R3HDM1: variants seen among roughly 807,000 people sequenced by gnomAD.
R3HDM1 encodes the protein R3H domain-containing protein 1.
A neutral mutation model predicts 141.1 loss-of-function variants in R3HDM1; 46 were observed. That is an observed-to-expected ratio of 0.33 (90% CI 0.26 to 0.42). R3HDM1 has a LOEUF of 0.42. Among genes scored for constraint, R3HDM1 ranks in the 10% least tolerant of loss-of-function variants. The pLI is 1.00. For synonymous variants in R3HDM1, 435 were observed against 472.9 expected (o/e 0.92, Z 1.04); for missense variants, 1,184 against 1,368.3 (o/e 0.87, Z 2.12).
chr2:135,583,000 C>G (rs1277114756), intron 1 of R3HDM1, among the ~76,000 whole-genome samples: 1 of 152,164 alleles, frequency 6.6e-6, no homozygotes, highest in Non-Finnish European at 1.5e-5. Flanking sequence ...TTCACCAGTT[C>G]TTAACATTTC....
At chr2:135,682,831 T>C (rs1400840517) in intron 21 of R3HDM1, among the ~76,000 whole-genome samples, 4 of 151,736 alleles carry the variant, frequency 2.6e-5, no homozygotes, top group Non-Finnish European at 4.4e-5. Flanking sequence ...ACCTCAACTC[T>C]ACTAAAAATA....
chr2:135,623,844 A>G (rs1192939801), intron 7 of R3HDM1, among the ~76,000 whole-genome samples: 2 of 152,218 alleles, frequency 1.3e-5, no homozygotes, highest in Admixed American at 6.5e-5. Context: ...TTAAAATAAA[A>G]CAAATGTAAA....
intron 11 of R3HDM1, among the ~76,000 whole-genome samples, chr2:135,638,085 A>G (rs2063441693): frequency 6.6e-6 from 1 of 152,226 alleles, no homozygotes; most frequent in Non-Finnish European, 1.5e-5. Context: ...TCAAATTGAC[A>G]TCTTAGAGAG....
At chr2:135,612,585 A>AT (rs879430771) in intron 3 of R3HDM1, among the ~76,000 whole-genome samples, 4 of 152,046 alleles carry the variant, frequency 2.6e-5, no homozygotes, top group Non-Finnish European at 5.9e-5. Flanking sequence ...TTCTGCACCC[A>AT]TTTTTTCGCC....
rs926621035 is a variant in R3HDM1 at position 135,638,976 on chromosome 2, G to A, written c.1073G>A (p.Arg358Gln). ...TENELKYSEP[R>Q]PWSSTDSDSS... is the part of the protein sequence containing the mutation. Reference sequence around the variant, plus strand: ...AATGAGTTGAAGTACTCGGAACCACGACCCTGGAGCAGCACAGATTCAGAC... The same window carrying A: ...AATGAGTTGAAGTACTCGGAACCACAACCCTGGAGCAGCACAGATTCAGAC... Residue 358 changes from arginine to glutamine, a missense_variant, in exon 14 of 27, where the codon CGA becomes CAA. Physicochemically the swap from Arg to Gln is conservative, Grantham distance 43. This residue lies in a region of R3HDM1 where 240 missense variants were observed against 312.3 expected (regional missense o/e 0.77). Coordinates refer to ENST00000683871, the MANE Select transcript of R3HDM1 (RefSeq NM_001378107.1). 4.3e-6 allele frequency: 7 copies of A among 1,613,958 alleles called. No individual in the cohort carries two copies. Among genetic ancestry groups the A allele is most frequent in the African/African-American group, 2.7e-5 (2 of 74,912 alleles).
At chr2:135,665,297 C>T (rs2067321398) in intron 19 of R3HDM1, 1 of 437,032 alleles carries the variant, frequency 2.3e-6, no homozygotes, top group African/African-American at 2.0e-5. Flanking sequence ...TTACAAAGCC[C>T]TAGCTGTTTT....
chr2:135,609,379 A>G (rs986280647), intron 3 of R3HDM1, among the ~76,000 whole-genome samples: 1 of 152,222 alleles, frequency 6.6e-6, no homozygotes, highest in African/African-American at 2.4e-5. Flanking sequence ...ACCTGTGTGC[A>G]TTAACGTCAG....
At chr2:135,683,606 C>A (rs974458761) in intron 21 of R3HDM1, among the ~76,000 whole-genome samples, 3 of 147,844 alleles carry the variant, frequency 2.0e-5, no homozygotes, top group East Asian at 2.0e-4. Flanking sequence ...AAAAAAAATT[C>A]ATAATTAACT....
intron 1 of R3HDM1, among the ~76,000 whole-genome samples, chr2:135,560,327 A>G (rs1701565637): frequency 6.6e-6 from 1 of 152,146 alleles, no homozygotes; most frequent in African/African-American, 2.4e-5. Context: ...AATCTATGAT[A>G]TTTTGACACA....
Position 135,531,506 on chromosome 2 carries a change from C to T in R3HDM1, c.-377C>T, listed in dbSNP as rs1181516454. The T allele has an allele frequency of 2.0e-6, 2 of 985,776 alleles. No homozygotes were observed. The highest frequency in any genetic ancestry group is 2.4e-6 in the Non-Finnish European group (2 of 829,952). 61.1% of individuals were successfully genotyped at this position (985,776 alleles called of 1,614,324 possible). On this transcript the variant is annotated 5_prime_UTR_variant, in exon 1 of 27. Coordinates refer to ENST00000683871, the MANE Select transcript of R3HDM1 (RefSeq NM_001378107.1). ...GGGATTCTGCCAGCCGCGGCTGCCGCTGGAGCCGGTGTCCGGGCTGGTGAT... is the reference window on the plus strand; with the variant it reads ...GGGATTCTGCCAGCCGCGGCTGCCGTTGGAGCCGGTGTCCGGGCTGGTGAT...
At chr2:135,541,602 C>T (rs1481440888) in intron 1 of R3HDM1, among the ~76,000 whole-genome samples, 1 of 152,050 alleles carries the variant, frequency 6.6e-6, no homozygotes, top group Non-Finnish European at 1.5e-5. Flanking sequence ...GTGGTGCAAT[C>T]AGAACACCTA....
chr2:135,599,911 A>G (rs2059483710), intron 1 of R3HDM1, among the ~76,000 whole-genome samples: 1 of 152,056 alleles, frequency 6.6e-6, no homozygotes, highest in South Asian at 2.1e-4. Context: ...GTGGGCACCT[A>G]TAGTCGCAGT....
At chr2:135,533,545 A>G (rs1026468497) in intron 1 of R3HDM1, among the ~76,000 whole-genome samples, 6 of 152,208 alleles carry the variant, frequency 3.9e-5, no homozygotes, top group African/African-American at 1.2e-4. Flanking sequence ...TAAAATGAGG[A>G]TGATAATGCT....
chr2:135,619,078 T>C (rs2061329099), intron 5 of R3HDM1, among the ~76,000 whole-genome samples: 1 of 152,112 alleles, frequency 6.6e-6, no homozygotes, highest in African/African-American at 2.4e-5. Flanking sequence ...ATACGCCTGT[T>C]TGGGATGGAG....
chr2:135,625,299 A>T (rs1435574230), intron 7 of R3HDM1, among the ~76,000 whole-genome samples: 2 of 152,000 alleles, frequency 1.3e-5, no homozygotes, highest in South Asian at 4.2e-4. Flanking sequence ...AAAATACAAA[A>T]ATTAGCTGGG....
intron 7 of R3HDM1, among the ~76,000 whole-genome samples, chr2:135,624,725 G>A (rs974912473): frequency 1.3e-5 from 2 of 152,164 alleles, no homozygotes; most frequent in Non-Finnish European, 2.9e-5. Context: ...TTTGTGTTTT[G>A]GAAAGATTAC....
At chr2:135,567,762 T>G (rs1390232483) in intron 1 of R3HDM1, among the ~76,000 whole-genome samples, 1 of 152,108 alleles carries the variant, frequency 6.6e-6, no homozygotes, top group Non-Finnish European at 1.5e-5. Flanking sequence ...TTTTTAGAGA[T>G]AACGTCTCAC....
intron 1 of R3HDM1, chr2:135,586,308 G>A (rs1707892693): frequency 6.6e-6 from 1 of 152,536 alleles, no homozygotes; most frequent in Non-Finnish European, 1.5e-5. Context: ...ACAACATACA[G>A]CTGTTGACTT....
At chr2:135,596,190 G>T (rs77180310) in intron 1 of R3HDM1, among the ~76,000 whole-genome samples, 2 of 151,994 alleles carry the variant, frequency 1.3e-5, no homozygotes, top group East Asian at 3.9e-4. Context: ...TAGAGACAGG[G>T]TTTCACCATG....
Sources: allele counts gnomAD v4.1 joint callset (sites outside exome capture counted in the v4.1 genomes callset), GRCh38; gene constraint gnomAD v4.1.1; regional missense constraint gnomAD v4.1.1; transcripts MANE v1.5; gene names NCBI Gene and HGNC (gene_info 2026-07-23, HGNC 2026-07-21).